Variants in EML6 observed in about 807,000 individuals in gnomAD.
EML6 encodes echinoderm microtubule-associated protein-like 6.
Under a neutral mutation model 240.1 loss-of-function variants are expected in EML6, and 154 were observed. The observed-to-expected ratio is 0.64, with a 90% CI of 0.56 to 0.73. The LOEUF (loss-of-function observed/expected upper bound fraction) is 0.73, where lower values mean the gene tolerates loss of function less well. Ranked by LOEUF, EML6 falls within the 30% of genes least tolerant of loss-of-function variation. The probability of loss-of-function intolerance (pLI) is 0.00; values close to 1 mark genes in which losing one functional copy is unlikely to be tolerated. For missense variants in EML6, 2,964 were observed against 2,474.6 expected (o/e 1.20, Z -4.20); for synonymous variants, 1,148 against 899.0 (o/e 1.28, Z -4.95).
chr2:54,761,304 C>T (rs1255864581), intron 2 of EML6, among the ~76,000 whole-genome samples: 1 of 151,790 alleles, frequency 6.6e-6, no homozygotes, highest in Non-Finnish European at 1.5e-5. Flanking sequence ...CGCTTTGTTT[C>T]TTTTTTATTA....
At chr2:54,788,178 C>T (rs968869077) in intron 2 of EML6, among the ~76,000 whole-genome samples, 2 of 152,260 alleles carry the variant, frequency 1.3e-5, no homozygotes, top group African/African-American at 2.4e-5. Context: ...CTCGCTCACT[C>T]GCTCGCTAGC....
At chr2:54,827,857 C>CT in intron 6 of EML6, 106 bp downstream of exon 6, 1 of 739,928 alleles carries the variant, frequency 1.4e-6, no homozygotes, top group Non-Finnish European at 2.3e-6. Context: ...GAGAACCCTG[C>CT]TGAACACTCC....
chr2:54,916,808 G>A lies in EML6; in HGVS notation c.3548G>A (p.Cys1183Tyr). Residue 1183 changes from cysteine (C) to tyrosine (Y), a missense_variant, in exon 26 of 42, where the codon TGT (cysteine) becomes TAT (tyrosine). Cys to Tyr is a radical substitution (Grantham distance 194, BLOSUM62 -2). Transcript: ENST00000356458. ...TGGACCTGTGTCCTGGGGCCCACCTGTGAGGGAATCTGGCCAGCACATAGC... is the reference window on the plus strand; with the variant it reads ...TGGACCTGTGTCCTGGGGCCCACCTATGAGGGAATCTGGCCAGCACATAGC... ...DTWTCVLGPTCEGIWPAHSDI... is the reference protein window; with the variant it reads ...DTWTCVLGPTYEGIWPAHSDI... The A allele has an allele frequency of 1.9e-6, 3 of 1,546,562 alleles. No individual in the cohort carries two copies. The highest frequency in any genetic ancestry group is 2.6e-6 in the Non-Finnish European group (3 of 1,142,904).
At chr2:54,948,793 C>G in intron 28 of EML6, 89 bp from the exon 29 acceptor site, 1 of 969,756 alleles carries the variant, frequency 1.0e-6, no homozygotes, top group Non-Finnish European at 1.6e-6. Context: ...AGAGAGGAGG[C>G]CGGCACTGGC....
chr2:54,931,026 C>T (rs1398184006), intron 28 of EML6, among the ~76,000 whole-genome samples: 1 of 141,728 alleles, frequency 7.1e-6, no homozygotes, highest in Non-Finnish European at 1.5e-5. Context: ...GGCGCGATCT[C>T]GGCTCACTGC....
chr2:54,915,906 A>G (rs2104315981), intron 25 of EML6, among the ~76,000 whole-genome samples: 2 of 152,356 alleles, frequency 1.3e-5, no homozygotes, highest in East Asian at 1.9e-4. Context: ...AAAGTAAATG[A>G]GATAAAATCT....
At chr2:54,955,328 C>T (rs1490714034) in intron 32 of EML6, among the ~76,000 whole-genome samples, 1 of 152,078 alleles carries the variant, frequency 6.6e-6, no homozygotes, top group Non-Finnish European at 1.5e-5. Flanking sequence ...GAGAAGACTT[C>T]CTGCAGTTAG....
intron 2 of EML6, among the ~76,000 whole-genome samples, chr2:54,746,744 A>G (rs1431174293): frequency 6.6e-6 from 1 of 152,310 alleles, no homozygotes; most frequent in Non-Finnish European, 1.5e-5. Flanking sequence ...TCCTAGTTTC[A>G]TCTAATTCTC....
intron 24 of EML6, 90 bp downstream of exon 24, chr2:54,903,592 G>T: frequency 7.0e-4 from 473 of 676,978 alleles, no homozygotes; most frequent in East Asian, 2.0e-3. Flanking sequence ...GCAGTTGAGT[G>T]TTAGAAATGG....
chr2:54,780,042 C>T (rs539391416), intron 2 of EML6, among the ~76,000 whole-genome samples: 1 of 152,130 alleles, frequency 6.6e-6, no homozygotes, highest in Admixed American at 6.5e-5. Flanking sequence ...ACTCCCACCT[C>T]CTAATTCGGC....
intron 25 of EML6, among the ~76,000 whole-genome samples, chr2:54,915,519 C>A (rs979069834): frequency 6.6e-6 from 1 of 152,098 alleles, no homozygotes; most frequent in Non-Finnish European, 1.5e-5. Context: ...GGGGGAACCA[C>A]CTTGAGTCAC....
At chr2:54,818,283 T>C (rs1200834636) in intron 4 of EML6, among the ~76,000 whole-genome samples, 1 of 151,926 alleles carries the variant, frequency 6.6e-6, no homozygotes, top group African/African-American at 2.4e-5. Context: ...ACTGTTAAAC[T>C]AAATTTGGCC....
intron 12 of EML6, among the ~76,000 whole-genome samples, chr2:54,863,041 G>T (rs1234166983): frequency 1.3e-5 from 2 of 152,182 alleles, no homozygotes; most frequent in African/African-American, 2.4e-5. Flanking sequence ...CAGTGGACAT[G>T]TATGTAGTCT....
At chr2:54,804,515 C>T (rs897187263) in intron 2 of EML6, among the ~76,000 whole-genome samples, 1 of 152,234 alleles carries the variant, frequency 6.6e-6, no homozygotes, top group South Asian at 2.1e-4. Context: ...TGGTGAGAAC[C>T]TCTGCGAGTT....
intron 2 of EML6, among the ~76,000 whole-genome samples, chr2:54,758,921 C>CATAGGTGGTTT (rs6146771): frequency 0.01 from 1,583 of 151,540 alleles, 35 homozygotes; most frequent in African/African-American, 0.035. Flanking sequence ...ATGGGTGGTT[C>CATAGGTGGTTT]ATAAGTTGCC....
Position 54,774,219 on chromosome 2 carries a change from A to G in EML6, c.198-39013A>G, listed in dbSNP as rs1470808949. Among the ~76,000 whole-genome samples, 1 of 152,200 alleles carries G rather than the reference A, an allele frequency of 6.6e-6. No individual in the cohort carries two copies. The highest frequency in any genetic ancestry group is 1.5e-5 in the Non-Finnish European group (1 of 68,016). ...GTGATTATCATAGGTTGAGTTTCCTAGGAAGCAGCTCTGAGACGAAGTTCA... is the reference window on the plus strand; with the variant it reads ...GTGATTATCATAGGTTGAGTTTCCTGGGAAGCAGCTCTGAGACGAAGTTCA... On this transcript the variant is annotated intron_variant, in intron 2 of 41. Coordinates refer to ENST00000356458, the MANE Select transcript of EML6 (RefSeq NM_001039753.4). The surrounding 1 kb of genome is among the most constrained non-coding windows in gnomAD (Gnocchi z 4.1).
intron 35 of EML6, 92 bp downstream of exon 35, chr2:54,960,426 T>C: frequency 1.1e-6 from 1 of 929,100 alleles, no homozygotes; most frequent in South Asian, 1.4e-5. Context: ...CTGGTTTGTT[T>C]ACTCCTTGAA....
chr2:54,741,148 T>C (rs1051037802), intron 2 of EML6, among the ~76,000 whole-genome samples: 1 of 152,094 alleles, frequency 6.6e-6, no homozygotes, highest in African/African-American at 2.4e-5. Flanking sequence ...CTCATTCTTA[T>C]TGTCCAGAGA....
chr2:54,868,403 ATTAC>A (rs1388006918), intron 14 of EML6: 4 of 152,230 alleles, frequency 2.6e-5, no homozygotes, highest in African/African-American at 7.2e-5. Flanking sequence ...GTGCATTTAT[ATTAC>A]TTACTGTTAG....
Sources: allele counts gnomAD v4.1 joint callset (sites outside exome capture counted in the v4.1 genomes callset), GRCh38; gene constraint gnomAD v4.1.1; non-coding constraint Gnocchi (gnomAD v3.1); transcripts MANE v1.5; gene names NCBI Gene and HGNC (gene_info 2026-07-23, HGNC 2026-07-21).